TSPO2: variants seen among roughly 807,000 people sequenced by gnomAD.
TSPO2 encodes the protein benzodiazapine receptor (peripheral)-like 1.
A neutral mutation model predicts 13.3 loss-of-function variants in TSPO2; 15 were observed. The observed-to-expected ratio is 1.13, with a 90% CI of 0.75 to 1.73. The LOEUF (loss-of-function observed/expected upper bound fraction) is 1.73. Among genes scored for constraint, TSPO2 ranks in the 40% most tolerant of loss-of-function variants. The pLI is 0.00. For synonymous variants in TSPO2, 81 were observed against 91.6 expected, an observed-to-expected ratio of 0.88 and a Z score of 0.66; for missense variants, 202 against 198.3, an observed-to-expected ratio of 1.02 and a Z score of -0.11.
At chr6:41,042,149 C>G (rs1762597045), upstream of TSPO2, among the ~76,000 whole-genome samples, 1 of 152,134 alleles carries the variant, frequency 6.6e-6, no homozygotes. Context: ...GGAGGAGGGT[C>G]TGTACATTGT....
At chr6:41,043,899 G>A in intron 3 of TSPO2, 41 bp from the exon 4 acceptor site, 1 of 1,594,184 alleles carries the variant, frequency 6.3e-7, no homozygotes, top group Non-Finnish European at 8.5e-7. Context: ...TGGAGGTGCT[G>A]GTTCTCGGGC....
upstream of TSPO2, among the ~76,000 whole-genome samples, chr6:41,041,582 CA>C (rs1209116337): frequency 6.6e-6 from 1 of 152,208 alleles, no homozygotes; most frequent in Admixed American, 6.5e-5. Context: ...AACGGACAGT[CA>C]GGAGCACAGA....
chr6:41,043,975 G>C lies in TSPO2; in HGVS notation c.351G>C (p.Val117=), dbSNP rs1762636724. 1 of 1,614,046 alleles carries C rather than the reference G, an allele frequency of 6.2e-7. No individual in the cohort carries two copies. The highest frequency in any genetic ancestry group is 1.3e-5 in the African/African-American group (1 of 75,056). Residue 117 remains valine, a synonymous_variant, in exon 4 of 4, where the codon GTG becomes GTC. Coordinates refer to ENST00000373161, the MANE Select transcript of TSPO2 (RefSeq NM_001010873.3). The part of the protein sequence containing the change: ...LLHLLLLYGL[V]VSTALIWHPI... ...ACCTGCTGCTGCTGTATGGGCTGGT[G>C]GTGAGCACAGCACTGATCTGGCATC...
In TSPO2 at chr6:41,042,654, A is replaced by G; in HGVS notation, c.-145A>G. 2 of 515,748 alleles carry G rather than the reference A, an allele frequency of 3.9e-6. No individual in the cohort carries two copies. The highest frequency in any genetic ancestry group is 4.5e-5 in the Admixed American group (2 of 44,168). 31.9% of individuals were successfully genotyped at this position (515,748 alleles called of 1,614,324 possible). On this transcript the variant is annotated 5_prime_UTR_variant, in exon 1 of 4. Transcript: ENST00000373161. The stretch of plus-strand genomic sequence containing the variant: ...CATCACCCGGGACCTGATCTCCAGG[A>G]CTCAGAAGCACTTGGAGGAAGGCCT...
Position 41,043,595 on chromosome 6 carries a change from G to A in TSPO2, c.212G>A (p.Gly71Asp), listed in dbSNP as rs964825786. The change falls in exon 3 of 4, where the codon GGC becomes GAC. Residue 71 changes from glycine to aspartate, a missense_variant. By Grantham distance (94) the Gly-to-Asp change is moderately conservative (BLOSUM62 -1). Coordinates refer to ENST00000373161, the MANE Select transcript of TSPO2 (RefSeq NM_001010873.3). ...SYLVWKDLGG[G>D]LGWPLALPLG... ...CTGGTGTGGAAGGACCTGGGAGGGG[G>A]CTTGGGGTGGCCCCTGGCCCTGCCT... The A allele has an allele frequency of 1.2e-6, 2 of 1,611,876 alleles. No individual in the cohort carries two copies. Among genetic ancestry groups the A allele is most frequent in the East Asian group, 2.2e-5 (1 of 44,806 alleles).
Position 41,044,283 on chromosome 6 carries a change from A to G in TSPO2, c.*146A>G. On this transcript the variant is annotated 3_prime_UTR_variant, in exon 4 of 4. Coordinates refer to ENST00000373161, the MANE Select transcript of TSPO2 (RefSeq NM_001010873.3). Reference sequence around the variant, plus strand: ...TCCTTAGAAATCAGAGAAATGGGAAAGGGGGGGAAACTGATTTTACACTTA... The same window carrying G: ...TCCTTAGAAATCAGAGAAATGGGAAGGGGGGGGAAACTGATTTTACACTTA... 2.8e-6 allele frequency: 2 copies of G among 707,850 alleles called. No homozygotes were observed. The highest frequency in any genetic ancestry group is 3.6e-5 in the South Asian group (2 of 55,124). The allele number at this position is 707,850 out of a possible 1,614,324, so 43.8% of individuals were successfully genotyped here.
At position 41,044,121 on chromosome 6, in the gene TSPO2, C is replaced by T. The variant is rs750976131; in HGVS notation, c.497C>T (p.Thr166Met). The T allele has an allele frequency of 6.2e-6, 10 of 1,613,950 alleles. No homozygotes were observed. The highest frequency in any genetic ancestry group is 4.5e-5 in the East Asian group (2 of 44,880). Residue 166 changes from threonine to methionine, a missense_variant, in exon 4 of 4, where the codon ACG (threonine) becomes ATG (methionine). Coordinates refer to ENST00000373161, the MANE Select transcript of TSPO2 (RefSeq NM_001010873.3). ...TGTCCAGTGCACCAGCCTCAGCCCACGGAGAAGAGTGACTGAGGCCCTAGG... is the reference window on the plus strand; with the variant it reads ...TGTCCAGTGCACCAGCCTCAGCCCATGGAGAAGAGTGACTGAGGCCCTAGG... The part of the protein sequence containing the change: ...SLCPVHQPQP[T>M]EKSD
In TSPO2 at chr6:41,043,602, G is replaced by A. The variant is rs1762625669; in HGVS notation, c.219G>A (p.Gly73=). 1 of 1,612,396 alleles carries A rather than the reference G, an allele frequency of 6.2e-7. No individual in the cohort carries two copies. The highest frequency in any genetic ancestry group is 1.1e-5 in the South Asian group (1 of 90,884). ...GGAAGGACCTGGGAGGGGGCTTGGGGTGGCCCCTGGCCCTGCCTCTTGGCC... is the reference window on the plus strand; with the variant it reads ...GGAAGGACCTGGGAGGGGGCTTGGGATGGCCCCTGGCCCTGCCTCTTGGCC... ...LVWKDLGGGL[G]WPLALPLGLY... The change falls in exon 3 of 4, where the codon GGG becomes GGA. Residue 73 remains glycine, a synonymous_variant. Coordinates refer to ENST00000373161, the MANE Select transcript of TSPO2 (RefSeq NM_001010873.3).
At position 41,043,592 on chromosome 6, in the gene TSPO2, G is replaced by A. The variant is rs756823502; in HGVS notation, c.209G>A (p.Gly70Glu). Residue 70 changes from glycine to glutamate, a missense_variant, in exon 3 of 4, where the codon GGG (glycine) becomes GAG (glutamate). Transcript: ENST00000373161. ...TACCTGGTGTGGAAGGACCTGGGAG[G>A]GGGCTTGGGGTGGCCCCTGGCCCTG... ...ASYLVWKDLG[G>E]GLGWPLALPL... 1.2e-6 allele frequency: 2 copies of A among 1,610,134 alleles called. No individual in the cohort carries two copies. Among genetic ancestry groups the A allele is most frequent in the Non-Finnish European group, 1.7e-6 (2 of 1,177,954 alleles).
At position 41,043,622 on chromosome 6, in the gene TSPO2, T is replaced by C; in HGVS notation, c.239T>C (p.Leu80Pro). The C allele has an allele frequency of 1.2e-6, 2 of 1,613,450 alleles. No homozygotes were observed. ...GGLGWPLALPLGLYAVQLTIS... is the reference protein window; with the variant it reads ...GGLGWPLALPPGLYAVQLTIS... ...TTGGGGTGGCCCCTGGCCCTGCCTC[T>C]TGGCCTCTATGCTGTTCAGCTCACC... Residue 80 changes from leucine to proline, a missense_variant, in exon 3 of 4, where the codon CTT (leucine) becomes CCT (proline). Coordinates refer to ENST00000373161, the MANE Select transcript of TSPO2 (RefSeq NM_001010873.3).
Position 41,043,995 on chromosome 6 carries a change from G to C in TSPO2, c.371G>C (p.Trp124Ser), listed in dbSNP as rs1231282288. The C allele has an allele frequency of 1.9e-6, 3 of 1,614,112 alleles. No homozygotes were observed. The South Asian group carries it at 3.3e-5, about 18-fold the overall frequency. ...CTGGTGGTGAGCACAGCACTGATCT[G>C]GCATCCCATCAACAAACTGGCTGCC... ...YGLVVSTALI[W>S]HPINKLAALL... Residue 124 changes from tryptophan (W) to serine (S), a missense_variant, in exon 4 of 4, where the codon TGG becomes TCG. Coordinates refer to ENST00000373161, the MANE Select transcript of TSPO2 (RefSeq NM_001010873.3).
In TSPO2 at chr6:41,043,650, C is replaced by T. The variant is rs1269074349; in HGVS notation, c.267C>T (p.Ile89=). Residue 89 remains isoleucine (I), a synonymous_variant, in exon 3 of 4, where the codon ATC becomes ATT. Coordinates refer to ENST00000373161, the MANE Select transcript of TSPO2 (RefSeq NM_001010873.3). ...GCCTCTATGCTGTTCAGCTCACCAT[C>T]AGCTGGACTGTCCTGGTTCTCTTTT... ...PLGLYAVQLT[I]SWTVLVLFFT... 2 of 1,613,398 alleles carry T rather than the reference C, an allele frequency of 1.2e-6. No individual in the cohort carries two copies. Among genetic ancestry groups the T allele is most frequent in the Non-Finnish European group, 1.7e-6 (2 of 1,179,562 alleles).
At chr6:41,043,268 T>G (rs1268601011) in intron 2 of TSPO2, 110 bp downstream of exon 2, 5 of 1,336,234 alleles carry the variant, frequency 3.7e-6, no homozygotes, top group Admixed American at 4.5e-5. Flanking sequence ...CGCTTTGTCT[T>G]GCCTCTCACC....
upstream of TSPO2, chr6:41,042,412 G>A (rs919407652): frequency 2.4e-5 from 6 of 249,528 alleles, no homozygotes. Context: ...CAGGAGATCA[G>A]CCTGGGTGGG....
Position 41,044,096 on chromosome 6 carries a change from T to C in TSPO2, c.472T>C (p.Cys158Arg), listed in dbSNP as rs1446641265. 1 of 1,614,124 alleles carries C rather than the reference T, an allele frequency of 6.2e-7. No homozygotes were observed. Among genetic ancestry groups the C allele is most frequent in the Admixed American group, 1.7e-5 (1 of 60,016 alleles). ...LTYHLWRDSL[C>R]PVHQPQPTEK... is the part of the protein sequence containing the mutation. ...CTACCACCTGTGGAGGGACAGCCTT[T>C]GTCCAGTGCACCAGCCTCAGCCCAC... is the stretch of plus-strand genomic sequence containing the variant. The change falls in exon 4 of 4, where the codon TGT (cysteine) becomes CGT (arginine). Residue 158 changes from cysteine to arginine, a missense_variant. Cys to Arg is a radical substitution (Grantham distance 180, BLOSUM62 -3). Transcript: ENST00000373161.
In TSPO2 at chr6:41,043,988, C is replaced by T; in HGVS notation, c.364C>T (p.Leu122=). The T allele has an allele frequency of 6.2e-7, 1 of 1,614,160 alleles. No individual in the cohort carries two copies. The highest frequency in any genetic ancestry group is 8.5e-7 in the Non-Finnish European group (1 of 1,180,010). Residue 122 remains leucine, a synonymous_variant, in exon 4 of 4, where the codon CTG becomes TTG. Transcript: ENST00000373161. The part of the protein sequence containing the change: ...LLYGLVVSTA[L]IWHPINKLAA... ...GTATGGGCTGGTGGTGAGCACAGCA[C>T]TGATCTGGCATCCCATCAACAAACT...
intron 1 of TSPO2, 32 bp downstream of exon 1, chr6:41,042,810 T>C (rs1014074269): frequency 2.7e-6 from 2 of 746,040 alleles, no homozygotes; most frequent in South Asian, 1.5e-5. Context: ...AGCTCAGAGG[T>C]ACAGGACTGG....
upstream of TSPO2, among the ~76,000 whole-genome samples, chr6:41,041,658 A>G (rs1581981472): frequency 6.6e-6 from 1 of 152,260 alleles, no homozygotes; most frequent in South Asian, 2.1e-4. Context: ...CTCCAGGACC[A>G]GTGTCCCTGA....
At position 41,043,126 on chromosome 6, in the gene TSPO2, G is replaced by T; in HGVS notation, c.141G>T (p.Leu47Phe). 6.2e-7 allele frequency: 1 copy of T among 1,613,828 alleles called. No individual in the cohort carries two copies. Among genetic ancestry groups the T allele is most frequent in the Non-Finnish European group, 8.5e-7 (1 of 1,179,884 alleles). ...LSWCPFYKVL[L>F]LVQTAIYSVV... is the part of the protein sequence containing the mutation. Reference sequence around the variant, plus strand: ...GGTGCCCATTCTACAAAGTCTTATTGCTTGTACAGACAGCCATCTACTCTG... The same window carrying T: ...GGTGCCCATTCTACAAAGTCTTATTTCTTGTACAGACAGCCATCTACTCTG... The change falls in exon 2 of 4, where the codon TTG (leucine) becomes TTT (phenylalanine). Residue 47 changes from leucine to phenylalanine, a missense_variant. Transcript: ENST00000373161.
Sources: allele counts gnomAD v4.1 joint callset (sites outside exome capture counted in the v4.1 genomes callset), GRCh38; gene constraint gnomAD v4.1.1; transcripts MANE v1.5; gene names NCBI Gene and HGNC (gene_info 2026-07-23, HGNC 2026-07-21).